SND1: variants seen among roughly 807,000 people sequenced by gnomAD.
SND1 encodes staphylococcal nuclease domain-containing protein 1.
Under a neutral mutation model 121.7 loss-of-function variants are expected in SND1, and 38 were observed. The observed-to-expected ratio is 0.31, with a 90% CI of 0.24 to 0.41. The LOEUF (loss-of-function observed/expected upper bound fraction) is 0.41, where lower values mean the gene tolerates loss of function less well. Among genes scored for constraint, SND1 ranks in the 10% least tolerant of loss-of-function variants. SND1 has a pLI of 1.00. For synonymous variants in SND1, 401 were observed against 447.4 expected (o/e 0.90, Z 1.31); for missense variants, 868 against 1,184.6 (o/e 0.73, Z 3.92).
chr7:128,001,689 T>C (rs576226711), intron 16 of SND1, among the ~76,000 whole-genome samples: 56 of 152,322 alleles, frequency 3.7e-4, no homozygotes, highest in Admixed American at 2.7e-3. Flanking sequence ...CCCAGCACTT[T>C]GGGAGGCCAA....
chr7:127,980,841 T>C (rs1311889928), intron 15 of SND1, among the ~76,000 whole-genome samples: 1 of 152,190 alleles, frequency 6.6e-6, no homozygotes, highest in Middle Eastern at 3.2e-3. Flanking sequence ...TTCCTGTGGC[T>C]TTCTCTTCAC....
intron 13 of SND1, chr7:127,904,543 A>G (rs1800294743): frequency 7.4e-6 from 3 of 406,538 alleles, no homozygotes; most frequent in Non-Finnish European, 1.4e-5. Flanking sequence ...TGCTGGTAAC[A>G]GGGCTTAAGA....
At chr7:127,939,895 TA>T (rs1290853396) in intron 15 of SND1, among the ~76,000 whole-genome samples, 1 of 152,224 alleles carries the variant, frequency 6.6e-6, no homozygotes, top group Non-Finnish European at 1.5e-5. Flanking sequence ...TCTTCTACTC[TA>T]AAGCGTTCTA....
At chr7:127,952,536 A>AT (rs11419158) in intron 15 of SND1, among the ~76,000 whole-genome samples, 8,980 of 152,112 alleles carry the variant, frequency 0.059, 769 homozygotes, top group African/African-American at 0.19. Flanking sequence ...GCTTTCTTGT[A>AT]TTTTTTCAGA....
At chr7:127,971,930 G>A (rs1317895889) in intron 15 of SND1, among the ~76,000 whole-genome samples, 1 of 151,166 alleles carries the variant, frequency 6.6e-6, no homozygotes, top group Non-Finnish European at 1.5e-5. Context: ...ATGCCACCAC[G>A]CCCAGCTAAC....
intron 16 of SND1, chr7:128,028,501 G>C: frequency 1.7e-6 from 1 of 595,348 alleles, no homozygotes. Flanking sequence ...TTACAAGTTA[G>C]AAAATATTTT....
chr7:128,042,836 C>T (rs1792879178), intron 16 of SND1, among the ~76,000 whole-genome samples: 1 of 152,248 alleles, frequency 6.6e-6, no homozygotes, highest in Non-Finnish European at 1.5e-5. Context: ...TTTAATGCCA[C>T]TGGAGGAGTT....
chr7:127,706,041 G>A (rs1796188256), intron 8 of SND1, among the ~76,000 whole-genome samples: 1 of 152,118 alleles, frequency 6.6e-6, no homozygotes, highest in South Asian at 2.1e-4. Flanking sequence ...TTGTCTGATG[G>A]AAAAGAACAG....
chr7:128,075,205 G>C (rs1381888169), intron 17 of SND1, among the ~76,000 whole-genome samples: 1 of 152,232 alleles, frequency 6.6e-6, no homozygotes, highest in Non-Finnish European at 1.5e-5. Flanking sequence ...CAAGGGGGAT[G>C]GGGTGGAAAG....
At chr7:127,763,530 A>G (rs73457823) in intron 10 of SND1, among the ~76,000 whole-genome samples, 14 of 152,166 alleles carry the variant, frequency 9.2e-5, no homozygotes, top group African/African-American at 3.4e-4. Context: ...TATTTTTTGA[A>G]GAGATAGGGT....
chr7:127,768,736 G>A (rs1466486309), intron 10 of SND1, among the ~76,000 whole-genome samples: 1 of 152,188 alleles, frequency 6.6e-6, no homozygotes, highest in Non-Finnish European at 1.5e-5. Flanking sequence ...TTACCCAGGG[G>A]TAGAATCTAA....
chr7:127,709,826 C>T (rs969437782), intron 9 of SND1, among the ~76,000 whole-genome samples: 24 of 152,058 alleles, frequency 1.6e-4, no homozygotes, highest in African/African-American at 5.1e-4. Context: ...TTTGGGTACA[C>T]GTCCGCTTAG....
intron 13 of SND1, among the ~76,000 whole-genome samples, chr7:127,889,657 A>C (rs558529991): frequency 6.6e-6 from 1 of 150,570 alleles, no homozygotes; most frequent in Non-Finnish European, 1.5e-5. Context: ...ATCCATCCCT[A>C]CCTCTCCTCC....
intron 12 of SND1, among the ~76,000 whole-genome samples, chr7:127,875,860 C>G (rs1190589379): frequency 1.3e-5 from 2 of 152,090 alleles, no homozygotes; most frequent in African/African-American, 4.8e-5. Flanking sequence ...TTGGCAATGT[C>G]CTTTTTATCA....
At chr7:127,903,133 C>T (rs999197483) in intron 13 of SND1, among the ~76,000 whole-genome samples, 3 of 152,120 alleles carry the variant, frequency 2.0e-5, no homozygotes, top group Admixed American at 6.6e-5. Flanking sequence ...CTACCTTCCT[C>T]GGCCTCCCAA....
At chr7:127,812,457 G>A (rs904455567) in intron 11 of SND1, among the ~76,000 whole-genome samples, 1 of 152,236 alleles carries the variant, frequency 6.6e-6, no homozygotes, top group African/African-American at 2.4e-5. Flanking sequence ...TACAGACAAT[G>A]TGAAGTCCTC....
chr7:127,983,104 C>T (rs372758324), intron 15 of SND1, among the ~76,000 whole-genome samples: 15 of 152,120 alleles, frequency 9.9e-5, no homozygotes, highest in East Asian at 3.8e-4. Context: ...AGCCTTTATA[C>T]GGAGTTTAAG....
intron 16 of SND1, among the ~76,000 whole-genome samples, chr7:128,065,631 T>C (rs1320248117): frequency 6.6e-6 from 1 of 152,214 alleles, no homozygotes; most frequent in Non-Finnish European, 1.5e-5. Context: ...CTCACACCCC[T>C]AGCTCCATCC....
intron 15 of SND1, 93 bp downstream of exon 15, chr7:127,929,422 A>G (rs910773551): frequency 7.6e-5 from 95 of 1,242,604 alleles, no homozygotes; most frequent in Non-Finnish European, 9.0e-5. Flanking sequence ...GATAGGCCCT[A>G]GAGCCCACCA....
Sources: allele counts gnomAD v4.1 joint callset (sites outside exome capture counted in the v4.1 genomes callset), GRCh38; gene constraint gnomAD v4.1.1; transcripts MANE v1.5; gene names NCBI Gene and HGNC (gene_info 2026-07-23, HGNC 2026-07-21).